RGS6: variants seen among roughly 807,000 people sequenced by gnomAD.
RGS6 encodes the protein regulator of G protein signaling 6.
A neutral mutation model predicts 78.5 loss-of-function variants in RGS6; 30 were observed. The observed-to-expected ratio is 0.38, with a 90% confidence interval of 0.29 to 0.52. The LOEUF (loss-of-function observed/expected upper bound fraction) is 0.52. RGS6 is among the 20% of genes least tolerant of loss of function. The pLI, the probability that RGS6 is intolerant of heterozygous loss-of-function variation, is 0.85. For synonymous variants in RGS6, 206 were observed against 206.0 expected (o/e 1.00, Z 0.00); for missense variants, 495 against 609.7 (o/e 0.81, Z 1.98).
chr14:72,608,911 T>G, the RGS6 span, among the ~76,000 whole-genome samples: 1 of 152,066 alleles, frequency 6.6e-6, no homozygotes, highest in African/African-American at 2.4e-5. Context: ...TCTCTCTCTT[T>G]CTCTCTCTCT....
At chr14:72,053,806 G>T (rs2093469990) in intron 2 of RGS6, among the ~76,000 whole-genome samples, 1 of 152,212 alleles carries the variant, frequency 6.6e-6, no homozygotes, top group Non-Finnish European at 1.5e-5. Flanking sequence ...AAGACTGGCT[G>T]AGTCAAATGC....
intron 1 of RGS6, among the ~76,000 whole-genome samples, chr14:71,962,359 TATA>T (rs895353811): frequency 4.6e-5 from 7 of 152,328 alleles, no homozygotes; most frequent in African/African-American, 1.4e-4. Context: ...ACCTTGCTAT[TATA>T]ATACAGTTTT....
At chr14:72,623,350 T>A in the RGS6 span, among the ~76,000 whole-genome samples, 1 of 152,188 alleles carries the variant, frequency 6.6e-6, no homozygotes, top group African/African-American at 2.4e-5. Context: ...GGCAAATGAA[T>A]TTGGTTATGT....
intron 2 of RGS6, among the ~76,000 whole-genome samples, chr14:72,263,434 G>A (rs1004372586): frequency 6.6e-6 from 1 of 152,128 alleles, no homozygotes; most frequent in Non-Finnish European, 1.5e-5. Flanking sequence ...TGACATGATG[G>A]CTGTGGTCTC....
chr14:72,169,554 G>A (rs2096980410), intron 2 of RGS6, among the ~76,000 whole-genome samples: 1 of 152,186 alleles, frequency 6.6e-6, no homozygotes, highest in Non-Finnish European at 1.5e-5. Context: ...TCTGATCTGA[G>A]CTTACAAGTA....
In RGS6 at chr14:72,396,472, A is replaced by C. The variant is rs540987583; in HGVS notation, c.184+44278A>C. ...CTTTGTCAGATGAGTAGGTTGCAAA[A>C]ATTTTCTTCCATTCTGTAGGTTGCC... On this transcript the variant is annotated intron_variant, in intron 3 of 17. Transcript: ENST00000553525. Among the ~76,000 whole-genome samples, 15 of 152,056 alleles carry C rather than the reference A, an allele frequency of 9.9e-5. 1 individual carries two copies. The East Asian group carries it at 1.2e-3, about 12-fold the overall frequency.
intron 2 of RGS6, among the ~76,000 whole-genome samples, chr14:72,221,936 G>T (rs1238598423): frequency 6.6e-6 from 1 of 152,140 alleles, no homozygotes; most frequent in Non-Finnish European, 1.5e-5. Context: ...GGAGATGTTT[G>T]GATGTGAAAT....
intron 2 of RGS6, among the ~76,000 whole-genome samples, chr14:72,309,011 G>T (rs1045365381): frequency 1.3e-5 from 2 of 152,158 alleles, no homozygotes; most frequent in African/African-American, 4.8e-5. Context: ...GTTTCTTTGC[G>T]ATGTGTAATT....
intron 8 of RGS6, among the ~76,000 whole-genome samples, chr14:72,471,958 C>T (rs114655630): frequency 6.6e-6 from 1 of 152,100 alleles, no homozygotes; most frequent in African/African-American, 2.4e-5. Flanking sequence ...TGGTATTTCT[C>T]GATTAACTTT....
intron 2 of RGS6, among the ~76,000 whole-genome samples, chr14:72,329,158 G>A (rs914170646): frequency 4.6e-5 from 7 of 152,256 alleles, no homozygotes; most frequent in African/African-American, 1.7e-4. Flanking sequence ...ACAGGCGTGA[G>A]CCACTGTGCC....
At position 72,237,847 on chromosome 14, in the gene RGS6, A is replaced by G. The variant is rs2051553147; in HGVS notation, c.85-114248A>G. Among the ~76,000 whole-genome samples, 3 of 152,130 alleles carry G rather than the reference A, an allele frequency of 2.0e-5. No individual in the cohort carries two copies. In the South Asian group the frequency reaches 6.2e-4, roughly 32 times the overall value. On this transcript the variant is annotated intron_variant, in intron 2 of 17. Coordinates refer to ENST00000553525, the MANE Select transcript of RGS6 (RefSeq NM_001204424.2). ...ATCCAGGGTTGTCTGCGACCTCTGG[A>G]GCCCTCGAGGGCATGTGTTACAACG...
At chr14:72,447,607 C>A (rs915469668) in intron 3 of RGS6, among the ~76,000 whole-genome samples, 3 of 152,120 alleles carry the variant, frequency 2.0e-5, no homozygotes, top group Non-Finnish European at 4.4e-5. Flanking sequence ...TGTGAGTAGC[C>A]AATGTGTATT....
At chr14:72,041,313 G>C (rs573993962) in intron 2 of RGS6, among the ~76,000 whole-genome samples, 2 of 152,274 alleles carry the variant, frequency 1.3e-5, no homozygotes, top group South Asian at 4.1e-4. Flanking sequence ...GTCTGGGCTT[G>C]CATGTAATTT....
the RGS6 span, among the ~76,000 whole-genome samples, chr14:72,576,205 T>C: frequency 6.6e-6 from 1 of 152,230 alleles, no homozygotes; most frequent in Non-Finnish European, 1.5e-5. Flanking sequence ...TTTTTCTATA[T>C]AGGATATTTC....
intron 3 of RGS6, among the ~76,000 whole-genome samples, chr14:72,401,448 AT>A (rs2092391331): frequency 2.0e-5 from 3 of 152,048 alleles, no homozygotes; most frequent in African/African-American, 7.2e-5. Flanking sequence ...CATCACAGCC[AT>A]TTTGTTAATA....
intron 2 of RGS6, among the ~76,000 whole-genome samples, chr14:72,238,896 G>A (rs977007931): frequency 6.6e-6 from 1 of 152,152 alleles, no homozygotes; most frequent in African/African-American, 2.4e-5. Context: ...CCCATCCGTG[G>A]TTTAGGCAGC....
At chr14:72,253,639 T>C (rs902512418) in intron 2 of RGS6, among the ~76,000 whole-genome samples, 8 of 152,254 alleles carry the variant, frequency 5.3e-5, no homozygotes, top group African/African-American at 1.7e-4. Flanking sequence ...CCTCACCTCC[T>C]TGAAGTTGGA....
chr14:72,279,980 C>T lies in RGS6; in HGVS notation c.85-72115C>T, dbSNP rs184505186. ...GTAGGAACTAGCCACATTTATTTCA[C>T]GGACTCAATGATACTGAGTTTCTAC... On this transcript the variant is annotated intron_variant, in intron 2 of 17. Transcript: ENST00000553525. Among the ~76,000 whole-genome samples, 246 of 152,272 alleles carry T rather than the reference C, an allele frequency of 1.6e-3. 3 individuals are homozygous for T. The Middle Eastern group carries it at 0.048, about 29-fold the overall frequency.
intron 2 of RGS6, among the ~76,000 whole-genome samples, chr14:72,236,241 T>C (rs988647455): frequency 1.3e-5 from 2 of 152,232 alleles, no homozygotes; most frequent in African/African-American, 2.4e-5. Flanking sequence ...TTACAATTAA[T>C]GTTTTCCTCT....
Sources: gnomAD v4.1 joint callset for allele counts (sites outside exome capture counted in the v4.1 genomes callset) on GRCh38, gnomAD v4.1.1 for gene constraint, MANE v1.5 for transcripts, NCBI Gene and HGNC (gene_info 2026-07-23, HGNC 2026-07-21) for gene names.